Variants in NYAP2 observed in about 807,000 individuals in gnomAD.
The protein encoded by NYAP2 is neuronal tyrosine-phosphorylated phosphoinositide-3-kinase adapter 2.
Under a neutral mutation model 50.4 loss-of-function variants are expected in NYAP2, and 23 were observed. That is an observed-to-expected ratio of 0.46 (90% CI 0.33 to 0.65). The LOEUF (loss-of-function observed/expected upper bound fraction) is 0.65. Among genes scored for constraint, NYAP2 ranks in the 30% least tolerant of loss-of-function variants. The pLI is 0.02. For synonymous variants in NYAP2, 394 were observed against 365.2 expected (o/e 1.08, Z -0.90); for missense variants, 885 against 861.0 (o/e 1.03, Z -0.35).
chr2:225,532,850 T>G (rs999010666), intron 4 of NYAP2, among the ~76,000 whole-genome samples: 3 of 151,870 alleles, frequency 2.0e-5, no homozygotes, highest in Non-Finnish European at 2.9e-5. Context: ...TGCCCTGTGT[T>G]GTTTTCAGTG....
intron 6 of NYAP2, among the ~76,000 whole-genome samples, chr2:225,639,740 T>C (rs1693492604): frequency 6.6e-6 from 1 of 152,134 alleles, no homozygotes; most frequent in South Asian, 2.1e-4. Context: ...TACATGCCAG[T>C]GAGGGAGAGA....
intron 3 of NYAP2, among the ~76,000 whole-genome samples, chr2:225,488,401 T>C (rs1220011234): frequency 6.6e-6 from 1 of 152,026 alleles, no homozygotes; most frequent in Non-Finnish European, 1.5e-5. Context: ...TAAGACAGAG[T>C]CTTACTCTGT....
chr2:225,449,906 C>T (rs948992909), intron 3 of NYAP2, among the ~76,000 whole-genome samples: 1 of 152,058 alleles, frequency 6.6e-6, no homozygotes, highest in South Asian at 2.1e-4. Flanking sequence ...CATGAGCCAC[C>T]ACACCCGGCC....
intron 3 of NYAP2, among the ~76,000 whole-genome samples, chr2:225,418,948 A>G (rs1011404591): frequency 3.9e-5 from 6 of 152,210 alleles, no homozygotes; most frequent in Non-Finnish European, 5.9e-5. Context: ...ATAACACAGT[A>G]TTGTTAACTA....
At chr2:225,513,766 C>A in intron 4 of NYAP2, 94 bp downstream of exon 4, 1 of 937,872 alleles carries the variant, frequency 1.1e-6, no homozygotes, top group Non-Finnish European at 1.5e-6. Flanking sequence ...TTCACTGGGC[C>A]ACATAATCCT....
intron 4 of NYAP2, among the ~76,000 whole-genome samples, chr2:225,563,467 A>G (rs909021699): frequency 1.3e-5 from 2 of 152,140 alleles, no homozygotes; most frequent in East Asian, 1.9e-4. Flanking sequence ...AGGGGTGAGC[A>G]TTGTGAGATG....
the NYAP2 span, among the ~76,000 whole-genome samples, chr2:225,664,313 T>C: frequency 2.0e-5 from 3 of 152,334 alleles, no homozygotes; most frequent in African/African-American, 7.2e-5. Context: ...TTGTTTGCAT[T>C]AGAATGGAGG....
At chr2:225,621,436 A>C (rs1043560054) in intron 5 of NYAP2, among the ~76,000 whole-genome samples, 3 of 152,178 alleles carry the variant, frequency 2.0e-5, no homozygotes, top group Non-Finnish European at 4.4e-5. Context: ...AAATTCTTAG[A>C]GACAGAAAGT....
intron 4 of NYAP2, among the ~76,000 whole-genome samples, chr2:225,567,456 C>A (rs1691981346): frequency 6.6e-6 from 1 of 152,094 alleles, no homozygotes; most frequent in Non-Finnish European, 1.5e-5. Context: ...CTATTGGGAG[C>A]AAGTTGCTGT....
At chr2:225,702,658 G>T in the NYAP2 span, 2 of 151,610 alleles carry the variant, frequency 1.3e-5, no homozygotes, top group Non-Finnish European at 3.0e-5. Context: ...AACACATTTT[G>T]CCATGTTGGA....
At chr2:225,456,025 T>C (rs1689732995) in intron 3 of NYAP2, among the ~76,000 whole-genome samples, 1 of 152,208 alleles carries the variant, frequency 6.6e-6, no homozygotes, top group Admixed American at 6.5e-5. Flanking sequence ...AGCATATTCA[T>C]TCCCCAGGCA....
the NYAP2 span, among the ~76,000 whole-genome samples, chr2:225,688,383 A>G: frequency 6.6e-6 from 1 of 152,182 alleles, no homozygotes; most frequent in South Asian, 2.1e-4. Context: ...AAAATGTTAC[A>G]CTTAGTGTGA....
At chr2:225,453,341 G>A (rs1689683577) in intron 3 of NYAP2, among the ~76,000 whole-genome samples, 1 of 152,102 alleles carries the variant, frequency 6.6e-6, no homozygotes, top group Non-Finnish European at 1.5e-5. Flanking sequence ...CTCACAAATT[G>A]GCTGGGGATA....
intron 3 of NYAP2, among the ~76,000 whole-genome samples, chr2:225,461,597 T>C (rs1689834053): frequency 6.6e-6 from 1 of 152,224 alleles, no homozygotes; most frequent in Admixed American, 6.5e-5. Context: ...CTGTCCTACT[T>C]TTTGCTTCAT....
chr2:225,639,087 G>T, intron 6 of NYAP2, among the ~76,000 whole-genome samples: 1 of 151,326 alleles, frequency 6.6e-6, no homozygotes, highest in Non-Finnish European at 1.5e-5. Context: ...TTGGGACTCA[G>T]TAGAGAGTTT....
At chr2:225,594,405 T>G (rs1692561349) in intron 5 of NYAP2, among the ~76,000 whole-genome samples, 1 of 151,874 alleles carries the variant, frequency 6.6e-6, no homozygotes, top group Non-Finnish European at 1.5e-5. Flanking sequence ...GTGCCTGCAA[T>G]CCTAGGTACT....
intron 5 of NYAP2, among the ~76,000 whole-genome samples, chr2:225,602,828 A>G (rs887393270): frequency 1.5e-4 from 23 of 152,294 alleles, no homozygotes; most frequent in African/African-American, 5.5e-4. Flanking sequence ...GTCTTATGCC[A>G]GTGCTACACT....
the NYAP2 span, among the ~76,000 whole-genome samples, chr2:225,690,282 T>C: frequency 1.4e-4 from 22 of 152,248 alleles, no homozygotes; most frequent in South Asian, 2.3e-3. Context: ...ATATTTTTTT[T>C]CTCTGTGATG....
the NYAP2 span, among the ~76,000 whole-genome samples, chr2:225,697,791 C>T: frequency 2.0e-5 from 3 of 151,894 alleles, no homozygotes; most frequent in Non-Finnish European, 2.9e-5. Flanking sequence ...TGTTAAATAT[C>T]GCGATGTTTA....
Sources: gnomAD v4.1 joint callset for allele counts (sites outside exome capture counted in the v4.1 genomes callset) on GRCh38, gnomAD v4.1.1 for gene constraint, MANE v1.5 for transcripts, NCBI Gene and HGNC (gene_info 2026-07-23, HGNC 2026-07-21) for gene names.